The following HNF1B variants were observed in gnomAD, a reference collection of about 807,000 sequenced individuals.
The protein encoded by HNF1B is hepatocyte nuclear factor 1-beta.
Under a neutral mutation model 61.7 loss-of-function variants are expected in HNF1B, and 8 were observed. The observed-to-expected ratio is 0.13, with a 90% CI of 0.08 to 0.23. The LOEUF (loss-of-function observed/expected upper bound fraction) is 0.23, where lower values mean the gene tolerates loss of function less well. HNF1B is among the 10% of genes least tolerant of loss of function. HNF1B has a pLI of 1.00. For missense variants in HNF1B, 562 were observed against 714.5 expected, an observed-to-expected ratio of 0.79 and a Z score of 2.43; for synonymous variants, 314 against 287.7, an observed-to-expected ratio of 1.09 and a Z score of -0.93.
chr17:37,732,680 T>TG (rs2033721679), intron 3 of HNF1B, among the ~76,000 whole-genome samples: 1 of 151,322 alleles, frequency 6.6e-6, no homozygotes, highest in African/African-American at 2.4e-5. Flanking sequence ...TCCAATCGTT[T>TG]AAAAAAAAAT....
intron 4 of HNF1B, among the ~76,000 whole-genome samples, chr17:37,728,351 G>A (rs1163750810): frequency 2.0e-5 from 3 of 148,644 alleles, no homozygotes; most frequent in Non-Finnish European, 4.4e-5. Context: ...CTGTCACCCA[G>A]GCTAGAGTGC....
chr17:37,712,266 G>A lies in HNF1B; in HGVS notation c.1046-1603C>T, dbSNP rs571529313. Among the ~76,000 whole-genome samples, 3 of 152,266 alleles carry A rather than the reference G, an allele frequency of 2.0e-5. No individual in the cohort carries two copies. In the East Asian group the frequency reaches 5.8e-4, roughly 29 times the overall value. On this transcript the variant is annotated intron_variant, in intron 4 of 8. Coordinates refer to ENST00000617811, the MANE Select transcript of HNF1B (RefSeq NM_000458.4). ...ACAGTGGGATGGCGCTGGCATTGGT[G>A]TATTGGTTTAAGGCACTACATTTTT...
intron 1 of HNF1B, among the ~76,000 whole-genome samples, chr17:37,743,725 T>C (rs923432036): frequency 1.3e-5 from 2 of 152,072 alleles, no homozygotes; most frequent in Admixed American, 6.5e-5. Context: ...CCACAAACGA[T>C]CCCGGCCCTG....
intron 8 of HNF1B, among the ~76,000 whole-genome samples, chr17:37,688,538 A>G (rs1304475702): frequency 6.6e-6 from 1 of 152,138 alleles, no homozygotes; most frequent in Non-Finnish European, 1.5e-5. Flanking sequence ...ACAAGGCTAA[A>G]AGAGAGTCAG....
In HNF1B at chr17:37,745,012, A is replaced by T. The variant is rs1414117830; in HGVS notation, c.-128T>A. The T allele has an allele frequency of 1.3e-6, 1 of 788,208 alleles. No homozygotes were observed. The allele number at this position is 788,208 out of a possible 1,614,324, so 48.8% of individuals were successfully genotyped here. ...ACCCTTCAGCCTCCAGACACCTGTT[A>T]CTCCCCGGGGTCCCGGAGGCTCCTC... On this transcript the variant is annotated 5_prime_UTR_variant, in exon 1 of 9. Transcript: ENST00000617811.
Position 37,739,420 on chromosome 17 carries a change from G to A in HNF1B, c.544+20C>T. On this transcript the variant is annotated intron_variant, in intron 2 of 8. Transcript: ENST00000617811. ...AAAGGTCACTTCAGGTTGAGGCAGAGGCAGGATGAAAACACTTACGTCGGA... is the reference window on the plus strand; with the variant it reads ...AAAGGTCACTTCAGGTTGAGGCAGAAGCAGGATGAAAACACTTACGTCGGA... 6.2e-7 allele frequency: 1 copy of A among 1,611,908 alleles called. No individual in the cohort carries two copies. The highest frequency in any genetic ancestry group is 1.1e-5 in the South Asian group (1 of 91,010).
chr17:37,742,199 A>G (rs1380240394), intron 1 of HNF1B, among the ~76,000 whole-genome samples: 1 of 152,230 alleles, frequency 6.6e-6, no homozygotes, highest in Admixed American at 6.5e-5. Context: ...ACTCCAGCGC[A>G]GTCCGCAGCG....
At chr17:37,714,451 C>A (rs898787133) in intron 4 of HNF1B, among the ~76,000 whole-genome samples, 7 of 152,182 alleles carry the variant, frequency 4.6e-5, no homozygotes, top group Admixed American at 1.3e-4. Context: ...AGGTTAATAG[C>A]CACAGAGGAC....
chr17:37,731,538 G>A (rs773960148), intron 4 of HNF1B, 57 bp downstream of exon 4: 32 of 1,406,526 alleles, frequency 2.3e-5, no homozygotes, highest in East Asian at 9.7e-5. Flanking sequence ...GATAAGATCC[G>A]TGGCAAGAAC....
intron 8 of HNF1B, among the ~76,000 whole-genome samples, chr17:37,697,019 G>C (rs1390623085): frequency 6.6e-6 from 1 of 152,194 alleles, no homozygotes; most frequent in African/African-American, 2.4e-5. Context: ...GACAACAAGA[G>C]TGGCAGCAGT....
chr17:37,690,362 C>A (rs2032156931), intron 8 of HNF1B, among the ~76,000 whole-genome samples: 1 of 152,100 alleles, frequency 6.6e-6, no homozygotes, highest in African/African-American at 2.4e-5. Flanking sequence ...TCCTGTATGT[C>A]TCTGTTTTAG....
At chr17:37,706,829 A>T (rs770813410) in intron 5 of HNF1B, among the ~76,000 whole-genome samples, 6 of 152,194 alleles carry the variant, frequency 3.9e-5, no homozygotes, top group Admixed American at 6.5e-5. Flanking sequence ...GCCAATGATA[A>T]AAATAATTTA....
chr17:37,696,541 C>T (rs1015934808), intron 8 of HNF1B, among the ~76,000 whole-genome samples: 8 of 152,200 alleles, frequency 5.3e-5, no homozygotes, highest in African/African-American at 1.9e-4. Context: ...CTGTCTGCAC[C>T]TTCCGCCATG....
intron 6 of HNF1B, among the ~76,000 whole-genome samples, chr17:37,702,022 C>A (rs2032588505): frequency 6.6e-6 from 1 of 152,124 alleles, no homozygotes; most frequent in African/African-American, 2.4e-5. Context: ...TGCTCTATCT[C>A]CTCCCTGAGA....
At chr17:37,691,048 G>A (rs1365954693) in intron 8 of HNF1B, among the ~76,000 whole-genome samples, 1 of 152,196 alleles carries the variant, frequency 6.6e-6, no homozygotes, top group African/African-American at 2.4e-5. Context: ...ATGAGAAGTG[G>A]CCAGTGCCGT....
In HNF1B at chr17:37,744,911, T is replaced by TGTGGGGGGG; in HGVS notation, c.-28_-27insCCCCCCCAC. 2 of 654,232 alleles carry TGTGGGGGGG rather than the reference T, an allele frequency of 3.1e-6. No homozygotes were observed. The highest frequency in any genetic ancestry group is 4.5e-6 in the Non-Finnish European group (2 of 445,994). The allele number at this position is 654,232 out of a possible 1,614,324, so 40.5% of individuals were successfully genotyped here. A position where few individuals can be genotyped will look rare whatever the true frequency, so the allele number is the denominator to read the frequency against. On this transcript the variant is annotated 5_prime_UTR_variant, in exon 1 of 9. Coordinates refer to ENST00000617811, the MANE Select transcript of HNF1B (RefSeq NM_000458.4). The stretch of plus-strand genomic sequence containing the variant: ...TTCCAAGGACGGAAAAAGAAGGGGG[T>TGTGGGGGGG]GAGGGGGTGGGTGGGTGCGAGAGAG...
intron 1 of HNF1B, among the ~76,000 whole-genome samples, chr17:37,743,364 A>C (rs1257099132): frequency 3.3e-5 from 5 of 152,236 alleles, no homozygotes; most frequent in African/African-American, 1.2e-4. Flanking sequence ...GGGAGAAATC[A>C]CCTCCGGGCG....
chr17:37,714,035 C>A (rs2033023814), intron 4 of HNF1B, among the ~76,000 whole-genome samples: 1 of 151,982 alleles, frequency 6.6e-6, no homozygotes, highest in Admixed American at 6.6e-5. Context: ...AGCCAGGTGA[C>A]CTGGGTTTAA....
intron 5 of HNF1B, among the ~76,000 whole-genome samples, chr17:37,709,189 G>C (rs1043342442): frequency 1.3e-5 from 2 of 152,176 alleles, no homozygotes; most frequent in Admixed American, 6.5e-5. Context: ...TCCTGCACTT[G>C]TGTTGCTACA....
Sources: gnomAD v4.1 joint callset for allele counts (sites outside exome capture counted in the v4.1 genomes callset) on GRCh38, gnomAD v4.1.1 for gene constraint, MANE v1.5 for transcripts, NCBI Gene and HGNC (gene_info 2026-07-23, HGNC 2026-07-21) for gene names.